The following IMMP2L variants were observed in gnomAD, a reference collection of about 807,000 sequenced individuals.
IMMP2L encodes the protein mitochondrial inner membrane protease subunit 2.
In IMMP2L, 18 loss-of-function variants were observed where a neutral mutation model predicts 19.3. That is an observed-to-expected ratio of 0.93 (90% confidence interval 0.64 to 1.38). The LOEUF (loss-of-function observed/expected upper bound fraction) is 1.38, where lower values mean the gene tolerates loss of function less well. IMMP2L is among the 40% of genes most tolerant of loss of function. The probability of loss-of-function intolerance (pLI) is 0.00; values close to 1 mark genes in which losing one functional copy is unlikely to be tolerated. For synonymous variants in IMMP2L, 76 were observed against 73.0 expected, an observed-to-expected ratio of 1.04 and a Z score of -0.21; for missense variants, 233 against 218.2, an observed-to-expected ratio of 1.07 and a Z score of -0.43.
intron 3 of IMMP2L, among the ~76,000 whole-genome samples, chr7:111,234,117 T>G (rs1254782613): frequency 1.3e-5 from 2 of 152,152 alleles, no homozygotes; most frequent in Non-Finnish European, 2.9e-5. Context: ...TGATGTGTTT[T>G]CATTTTCATT....
chr7:111,235,510 T>C (rs1225513365), intron 3 of IMMP2L, among the ~76,000 whole-genome samples: 1 of 151,986 alleles, frequency 6.6e-6, no homozygotes, highest in Non-Finnish European at 1.5e-5. Context: ...TTTCTCTCTT[T>C]CTATAGTTTA....
intron 2 of IMMP2L, among the ~76,000 whole-genome samples, chr7:111,515,152 T>C (rs1845774868): frequency 6.6e-6 from 1 of 152,142 alleles, no homozygotes; most frequent in Non-Finnish European, 1.5e-5. Context: ...TTTGGGATTC[T>C]ATAAGGCCTG....
chr7:110,841,193 CACA>C (rs947251732), intron 5 of IMMP2L, among the ~76,000 whole-genome samples: 22 of 151,690 alleles, frequency 1.5e-4, no homozygotes, highest in South Asian at 4.2e-4. Flanking sequence ...ATTTAAGGTG[CACA>C]ACATTATGTT....
chr7:110,683,041 C>G (rs568107757), intron 5 of IMMP2L, among the ~76,000 whole-genome samples: 8 of 151,996 alleles, frequency 5.3e-5, no homozygotes, highest in Non-Finnish European at 1.2e-4. Context: ...TAGTGCACAA[C>G]AAAATACATC....
chr7:111,175,571 A>T (rs763223440), intron 3 of IMMP2L, among the ~76,000 whole-genome samples: 1 of 150,314 alleles, frequency 6.7e-6, no homozygotes, highest in African/African-American at 2.5e-5. Flanking sequence ...GTTTTTTTTT[A>T]AATAGTAGAA....
At chr7:111,466,368 CT>C (rs1375490290) in intron 3 of IMMP2L, among the ~76,000 whole-genome samples, 2 of 152,038 alleles carry the variant, frequency 1.3e-5, no homozygotes, top group Non-Finnish European at 1.5e-5. Flanking sequence ...AATTTAGTCG[CT>C]TTTTAGGAAA....
chr7:110,665,580 G>A (rs551797545), intron 5 of IMMP2L, among the ~76,000 whole-genome samples: 5 of 152,172 alleles, frequency 3.3e-5, no homozygotes, highest in South Asian at 2.1e-4. Context: ...ATTTTGCTTC[G>A]GTTTACATTT....
chr7:110,674,419 A>G (rs1387338411), intron 5 of IMMP2L, among the ~76,000 whole-genome samples: 1 of 152,236 alleles, frequency 6.6e-6, no homozygotes, highest in Non-Finnish European at 1.5e-5. Flanking sequence ...GAAGATGATC[A>G]ATGTCAGGTG....
At chr7:110,735,745 G>A (rs938664116) in intron 5 of IMMP2L, among the ~76,000 whole-genome samples, 1 of 139,700 alleles carries the variant, frequency 7.2e-6, no homozygotes, top group Non-Finnish European at 1.5e-5. Context: ...ACATGGTAAC[G>A]TGTGCCTGTA....
At chr7:111,124,549 A>G (rs530232908) in intron 3 of IMMP2L, 1 of 1,613,566 alleles carries the variant, frequency 6.2e-7, no homozygotes, top group Non-Finnish European at 8.5e-7. Flanking sequence ...TAAAATTTGT[A>G]TTGATATTCC....
chr7:111,105,785 AAGAAAT>A (rs1306122890), intron 3 of IMMP2L, among the ~76,000 whole-genome samples: 1 of 151,920 alleles, frequency 6.6e-6, no homozygotes, highest in Non-Finnish European at 1.5e-5. Context: ...AAAAATATAA[AAGAAAT>A]AGATAGAGAT....
intron 1 of IMMP2L, among the ~76,000 whole-genome samples, chr7:111,538,543 T>C (rs1391371088): frequency 1.3e-5 from 2 of 150,700 alleles, no homozygotes; most frequent in African/African-American, 2.5e-5. Context: ...TTCATGCCTG[T>C]AATCCCAGCA....
rs896125195 is a variant in IMMP2L, at chr7:111,482,542, G to A, written c.239+4696C>T. Reference sequence around the variant, plus strand: ...CCCACTCACACAGCTCTCCTTCTTTGCTTCCTAGCAGCTATAAATTTGACT... The same window carrying A: ...CCCACTCACACAGCTCTCCTTCTTTACTTCCTAGCAGCTATAAATTTGACT... On this transcript the variant is annotated intron_variant, in intron 3 of 5. Transcript: ENST00000405709. Among the ~76,000 whole-genome samples the A allele has an allele frequency of 6.6e-5, 10 of 152,132 alleles. No individual in the cohort carries two copies. In the South Asian group the frequency reaches 2.1e-3, roughly 32 times the overall value.
intron 3 of IMMP2L, among the ~76,000 whole-genome samples, chr7:111,109,656 C>T (rs1798961152): frequency 6.6e-6 from 1 of 152,150 alleles, no homozygotes; most frequent in Non-Finnish European, 1.5e-5. Flanking sequence ...TGAGTTATCA[C>T]CTGTAAAGTG....
chr7:110,916,556 G>A (rs1451098539), intron 4 of IMMP2L, among the ~76,000 whole-genome samples: 2 of 152,126 alleles, frequency 1.3e-5, no homozygotes, highest in Non-Finnish European at 2.9e-5. Flanking sequence ...TATAAAATGG[G>A]ACCAAAACCA....
At chr7:111,178,402 C>A (rs7792161) in intron 3 of IMMP2L, among the ~76,000 whole-genome samples, 2 of 152,014 alleles carry the variant, frequency 1.3e-5, no homozygotes, top group Non-Finnish European at 2.9e-5. Context: ...TGACTAATCA[C>A]GGTGATGGAT....
chr7:111,274,880 A>C (rs943604947), intron 3 of IMMP2L, among the ~76,000 whole-genome samples: 1 of 152,174 alleles, frequency 6.6e-6, no homozygotes, highest in Non-Finnish European at 1.5e-5. Context: ...AACAGAGTGC[A>C]GACATGAAAA....
chr7:111,462,140 TCAAC>T (rs1351705572), intron 3 of IMMP2L, among the ~76,000 whole-genome samples: 1 of 151,852 alleles, frequency 6.6e-6, no homozygotes, highest in African/African-American at 2.4e-5. Context: ...TTTTAAATCA[TCAAC>T]CAAAGTAAGA....
chr7:111,201,630 C>A (rs992716898), intron 3 of IMMP2L, among the ~76,000 whole-genome samples: 1 of 151,502 alleles, frequency 6.6e-6, no homozygotes, highest in African/African-American at 2.4e-5. Flanking sequence ...GTGGGAAGAT[C>A]GCTTGAGCCT....
Sources: allele counts gnomAD v4.1 joint callset (sites outside exome capture counted in the v4.1 genomes callset), GRCh38; gene constraint gnomAD v4.1.1; transcripts MANE v1.5; gene names NCBI Gene and HGNC (gene_info 2026-07-23, HGNC 2026-07-21).